TOP3B: variants seen among roughly 807,000 people sequenced by gnomAD.
The protein encoded by TOP3B is DNA topoisomerase III beta.
TOP3B carries 45 observed loss-of-function variants against 93.9 expected under a neutral mutation model. The observed-to-expected ratio is 0.48, with a 90% CI of 0.38 to 0.61. The LOEUF (loss-of-function observed/expected upper bound fraction) is 0.61, where lower values mean the gene tolerates loss of function less well. TOP3B is among the 20% of genes least tolerant of loss of function. The pLI is 0.00. For synonymous variants in TOP3B, 357 were observed against 472.6 expected (o/e 0.76, Z 3.17); for missense variants, 750 against 1,156.1 (o/e 0.65, Z 5.09).
At chr22:21,978,244 G>A (rs188645287) in intron 1 of TOP3B, among the ~76,000 whole-genome samples, 6 of 152,038 alleles carry the variant, frequency 3.9e-5, no homozygotes, top group Non-Finnish European at 8.8e-5. Flanking sequence ...GGACATGGGA[G>A]GGGGAGGGGA....
chr22:21,971,305 GA>G lies in TOP3B; in HGVS notation c.384+571del. On this transcript the variant is annotated intron_variant, in intron 5 of 17. Transcript: ENST00000357179. The surrounding 1 kb of genome is among the most constrained non-coding windows in gnomAD (Gnocchi z 4.6). ...GGGGCGACCCATAGAACAACAGTCTGAAGGGCACCAAGTGAGACCAGCAGTC... is the reference window on the plus strand; with the variant it reads ...GGGGCGACCCATAGAACAACAGTCTGAGGGCACCAAGTGAGACCAGCAGTC... 1 of 294,134 alleles carries G rather than the reference GA, an allele frequency of 3.4e-6. No homozygotes were observed. The highest frequency in any genetic ancestry group is 6.7e-6 in the Non-Finnish European group (1 of 148,494). 18.2% of individuals were successfully genotyped at this position (294,134 alleles called of 1,614,324 possible). A position where few individuals can be genotyped will look rare whatever the true frequency, so the allele number is the denominator to read the frequency against.
At position 21,959,249 on chromosome 22, in the gene TOP3B, T is replaced by C; in HGVS notation, c.1805-17A>G. The C allele has an allele frequency of 6.2e-7, 1 of 1,610,666 alleles. No individual in the cohort carries two copies. The highest frequency in any genetic ancestry group is 8.5e-7 in the Non-Finnish European group (1 of 1,179,756). On this transcript the variant is annotated splice_polypyrimidine_tract_variant and intron_variant, in intron 15 of 17. Transcript: ENST00000357179. ...CATCCATGCCTGCGGGCAAGCAGAGTGCAGGAGTCATCTCCCTCCCAGTCC... is the reference window on the plus strand; with the variant it reads ...CATCCATGCCTGCGGGCAAGCAGAGCGCAGGAGTCATCTCCCTCCCAGTCC...
intron 14 of TOP3B, 147 bp downstream of exon 14, chr22:21,960,174 A>ACC (rs1373518756): frequency 3.2e-6 from 4 of 1,247,064 alleles, no homozygotes; most frequent in Non-Finnish European, 4.5e-6. Flanking sequence ...CTGGGGCAGC[A>ACC]CCCCTTCAGC....
At position 21,971,241 on chromosome 22, in the gene TOP3B, T is replaced by C; in HGVS notation, c.384+636A>G. ...CCTCAGCTCTGTCTCACTGACCAGCTCTTGAGCCACGGGTGAGAGCTGGGG... is the reference window on the plus strand; with the variant it reads ...CCTCAGCTCTGTCTCACTGACCAGCCCTTGAGCCACGGGTGAGAGCTGGGG... On this transcript the variant is annotated intron_variant, in intron 5 of 17. Coordinates refer to ENST00000357179, the MANE Select transcript of TOP3B (RefSeq NM_001282112.2). The surrounding 1 kb of genome is among the most constrained non-coding windows in gnomAD (Gnocchi z 4.6). The C allele has an allele frequency of 3.1e-6, 1 of 325,468 alleles. No homozygotes were observed. Among genetic ancestry groups the C allele is most frequent in the Non-Finnish European group, 6.0e-6 (1 of 168,036 alleles). The allele number at this position is 325,468 out of a possible 1,614,324, so 20.2% of individuals were successfully genotyped here.
intron 17 of TOP3B, chr22:21,957,938 T>C (rs2070992272): frequency 2.1e-6 from 3 of 1,430,644 alleles, no homozygotes; most frequent in African/African-American, 2.9e-5. Flanking sequence ...TGTCAGCTAC[T>C]CTGGCGGCAG....
chr22:21,962,484 T>G lies in TOP3B; in HGVS notation c.1470A>C (p.Pro490=), dbSNP rs2071229078. ...EVKMLEKQTN[P]PDYLTEAELI... ...GCTCGGCCTCCGTCAGGTAGTCGGGTGGGTTCGTCTGCTTCTCCAGCATCT... is the reference window on the plus strand; with the variant it reads ...GCTCGGCCTCCGTCAGGTAGTCGGGGGGGTTCGTCTGCTTCTCCAGCATCT... The change falls in exon 13 of 18, where the codon CCA becomes CCC. Residue 490 remains proline (P), a synonymous_variant. Coordinates refer to ENST00000357179, the MANE Select transcript of TOP3B (RefSeq NM_001282112.2). The G allele has an allele frequency of 6.2e-7, 1 of 1,613,490 alleles. No homozygotes were observed. Among genetic ancestry groups the G allele is most frequent in the Admixed American group, 1.7e-5 (1 of 59,992 alleles).
intron 1 of TOP3B, 74 bp from the exon 2 acceptor site, chr22:21,975,881 T>C (rs2071847633): frequency 3.7e-6 from 4 of 1,074,662 alleles, no homozygotes; most frequent in Non-Finnish European, 4.7e-6. Context: ...AAAATCACTT[T>C]AACAAAGAAA....
intron 1 of TOP3B, among the ~76,000 whole-genome samples, chr22:21,979,828 C>G (rs926448843): frequency 2.0e-5 from 3 of 150,208 alleles, no homozygotes; most frequent in Admixed American, 2.0e-4. Context: ...GTAGTCCCAG[C>G]TACTCGGGAG....
Position 21,963,789 on chromosome 22 carries a change from G to T in TOP3B, c.1204+134C>A. Reference sequence around the variant, plus strand: ...AGCAATGGAGCTCATCTTCCAGGTGGCCCCCCATCCCCACAGCCAGGGCAG... The same window carrying T: ...AGCAATGGAGCTCATCTTCCAGGTGTCCCCCCATCCCCACAGCCAGGGCAG... On this transcript the variant is annotated intron_variant, in intron 11 of 17. Coordinates refer to ENST00000357179, the MANE Select transcript of TOP3B (RefSeq NM_001282112.2). The surrounding 1 kb of genome is among the most constrained non-coding windows in gnomAD (Gnocchi z 4.8). 3.6e-6 allele frequency: 3 copies of T among 823,340 alleles called. No individual in the cohort carries two copies. Among genetic ancestry groups the T allele is most frequent in the South Asian group, 1.7e-5 (1 of 60,550 alleles). 51.0% of individuals were successfully genotyped at this position (823,340 alleles called of 1,614,324 possible). A position where few individuals can be genotyped will look rare whatever the true frequency, so the allele number is the denominator to read the frequency against.
chr22:21,981,831 G>T (rs910154529), intron 1 of TOP3B, among the ~76,000 whole-genome samples: 4 of 151,896 alleles, frequency 2.6e-5, no homozygotes, highest in African/African-American at 7.3e-5. Flanking sequence ...AAGCAGATGT[G>T]GCCTGGGAGT....
chr22:21,980,891 C>T (rs2084616561), intron 1 of TOP3B, among the ~76,000 whole-genome samples: 1 of 152,218 alleles, frequency 6.6e-6, no homozygotes, highest in African/African-American at 2.4e-5. Flanking sequence ...GCACTAAATG[C>T]CTGCTGAGGG....
chr22:21,977,949 TG>T (rs1468421666), intron 1 of TOP3B, among the ~76,000 whole-genome samples: 1 of 151,604 alleles, frequency 6.6e-6, no homozygotes, highest in Non-Finnish European at 1.5e-5. Context: ...GGGTGACACC[TG>T]GGAGAAGAGT....
chr22:21,970,608 A>G lies in TOP3B; in HGVS notation c.385-202T>C. On this transcript the variant is annotated intron_variant, in intron 5 of 17. Transcript: ENST00000357179. The surrounding 1 kb of genome is among the most constrained non-coding windows in gnomAD (Gnocchi z 4.4). ...CCCTGCCTTTCCAGAAGCCCTGAGC[A>G]CTCCACAACACCCCACCACATGGCT... 5.0e-6 allele frequency: 3 copies of G among 597,420 alleles called. No homozygotes were observed. The highest frequency in any genetic ancestry group is 8.9e-6 in the Non-Finnish European group (3 of 337,788). The allele number at this position is 597,420 out of a possible 1,614,324, so 37.0% of individuals were successfully genotyped here.
chr22:21,960,483 G>GC, intron 13 of TOP3B, 34 bp from the exon 14 acceptor site: 1 of 1,611,316 alleles, frequency 6.2e-7, no homozygotes, highest in Non-Finnish European at 8.5e-7. Context: ...TTCCTGGCCT[G>GC]CCTTGGACAT....
At chr22:21,962,156 T>C (rs2071210770) in intron 13 of TOP3B, 10 of 1,386,832 alleles carry the variant, frequency 7.2e-6, no homozygotes, top group Non-Finnish European at 9.4e-6. Flanking sequence ...TTCAGCCTTG[T>C]GGGCGTTAGT....
In TOP3B at chr22:21,971,650, C is replaced by A. The variant is rs928961450; in HGVS notation, c.384+227G>T. 3.4e-6 allele frequency: 2 copies of A among 581,502 alleles called. No individual in the cohort carries two copies. Among genetic ancestry groups the A allele is most frequent in the African/African-American group, 1.9e-5 (1 of 53,862 alleles). 36.0% of individuals were successfully genotyped at this position (581,502 alleles called of 1,614,324 possible). Reference sequence around the variant, plus strand: ...TGGCCCCTCCTATGTTCACTCATACCGTTGAGGCCTCAGCAAGCGGAGGAA... The same window carrying A: ...TGGCCCCTCCTATGTTCACTCATACAGTTGAGGCCTCAGCAAGCGGAGGAA... On this transcript the variant is annotated intron_variant, in intron 5 of 17. Transcript: ENST00000357179. This position sits in a 1 kb window ranked among gnomAD's most constrained non-coding sequence, Gnocchi z 4.6.
At chr22:21,958,183 C>G in intron 17 of TOP3B, 2 of 1,281,012 alleles carry the variant, frequency 1.6e-6, no homozygotes, top group Non-Finnish European at 1.0e-6. Context: ...GCCCGCTCAC[C>G]GGGTGGGTCC....
chr22:21,963,715 C>G lies in TOP3B; in HGVS notation c.1204+208G>C, dbSNP rs1298103701. The G allele has an allele frequency of 1.9e-5, 11 of 586,612 alleles. No homozygotes were observed. The highest frequency in any genetic ancestry group is 3.3e-5 in the Non-Finnish European group (11 of 332,936). The allele number at this position is 586,612 out of a possible 1,614,324, so 36.3% of individuals were successfully genotyped here. ...CCCTGTGGCGTCTGCCCCCTTGCCT[C>G]CCTGCAACAGCACCTGCTGCTACCT... On this transcript the variant is annotated intron_variant, in intron 11 of 17. Coordinates refer to ENST00000357179, the MANE Select transcript of TOP3B (RefSeq NM_001282112.2). This position sits in a 1 kb window ranked among gnomAD's most constrained non-coding sequence, Gnocchi z 4.8.
chr22:21,967,404 A>G, intron 8 of TOP3B, 199 bp downstream of exon 8: 3 of 586,002 alleles, frequency 5.1e-6, no homozygotes, highest in Non-Finnish European at 6.1e-6. Context: ...CATGCAGTAC[A>G]CTGTGACTAT....
Sources: allele counts gnomAD v4.1 joint callset (sites outside exome capture counted in the v4.1 genomes callset), GRCh38; gene constraint gnomAD v4.1.1; non-coding constraint Gnocchi (gnomAD v3.1); transcripts MANE v1.5; gene names NCBI Gene and HGNC (gene_info 2026-07-23, HGNC 2026-07-21).